NFATC1: variants seen among roughly 807,000 people sequenced by gnomAD.
NFATC1 encodes the protein nuclear factor of activated T cells 1, also known as nuclear factor of activated T-cells, cytoplasmic 1.
NFATC1 carries 22 observed loss-of-function variants against 76.0 expected under a neutral mutation model. The ratio of observed to expected loss-of-function variants is 0.29; its 90% CI spans 0.21 to 0.41. NFATC1 has a LOEUF of 0.41. Ranked by LOEUF, NFATC1 falls within the 10% of genes least tolerant of loss-of-function variation. NFATC1 has a pLI of 1.00. For missense variants in NFATC1, 1,357 were observed against 1,337.7 expected (o/e 1.01, Z -0.23); for synonymous variants, 704 against 613.1 (o/e 1.15, Z -2.19).
rs1473971517 is a variant in NFATC1 at position 79,428,054 on chromosome 18, T to C, written c.1227-5525T>C. Among the ~76,000 whole-genome samples the C allele has an allele frequency of 8.4e-5, 10 of 119,686 alleles. No homozygotes were observed. The East Asian group carries it at 2.9e-3, about 35-fold the overall frequency. The allele number at this position is 119,686 out of a possible 152,430, so 78.5% of individuals were successfully genotyped here. The stretch of plus-strand genomic sequence containing the variant: ...GCAGTGGGGGCAGGCGCTGGATGAC[T>C]GGCCTCTATGCAGTGGGTCGGGGGG... On this transcript the variant is annotated intron_variant, in intron 2 of 9. Coordinates refer to ENST00000427363, the MANE Select transcript of NFATC1 (RefSeq NM_001278669.2).
At chr18:79,525,638 C>T (rs2090741494) in intron 9 of NFATC1, among the ~76,000 whole-genome samples, 2 of 152,206 alleles carry the variant, frequency 1.3e-5, no homozygotes, top group Admixed American at 6.5e-5. Context: ...CCACCTTTCC[C>T]CTGTGTTGAT....
At chr18:79,413,520 G>T (rs1169096770) in intron 2 of NFATC1, among the ~76,000 whole-genome samples, 1 of 152,188 alleles carries the variant, frequency 6.6e-6, no homozygotes, top group Non-Finnish European at 1.5e-5. Context: ...GAGGACACTG[G>T]TCCTGCTGGG....
rs28707048 is a variant in NFATC1 at position 79,465,888 on chromosome 18, C to T, written c.1960-1562C>T. On this transcript the variant is annotated intron_variant, in intron 7 of 9. Transcript: ENST00000427363. This position sits in a 1 kb window ranked among gnomAD's most constrained non-coding sequence, Gnocchi z 4.2. ...CAGTGCTCTGGGGGCAGCCCAGGCC[C>T]CGCCCACTGACAGCACTCATGGCCC... Among the ~76,000 whole-genome samples, 9,700 of 152,338 alleles carry T rather than the reference C, an allele frequency of 0.064. 1,027 individuals are homozygous for T. The highest frequency in any genetic ancestry group is 0.22 in the African/African-American group (9,103 of 41,562).
intron 8 of NFATC1, among the ~76,000 whole-genome samples, chr18:79,474,043 C>T (rs1350578239): frequency 4.3e-5 from 6 of 139,830 alleles, no homozygotes; most frequent in East Asian, 2.3e-4. Context: ...CGTGTTCTCA[C>T]GCTCGCTGTC....
At chr18:79,436,008 AAAG>A (rs1253961909) in intron 3 of NFATC1, among the ~76,000 whole-genome samples, 1 of 152,200 alleles carries the variant, frequency 6.6e-6, no homozygotes, top group Non-Finnish European at 1.5e-5. Context: ...AAGCAGCTAA[AAAG>A]AGGGGGTTTT....
intron 9 of NFATC1, chr18:79,496,996 C>G (rs2089905823): frequency 6.6e-6 from 1 of 152,252 alleles, no homozygotes; most frequent in Admixed American, 6.5e-5. Flanking sequence ...GGTCCCAGCT[C>G]TACCGTTGAG....
rs115403956 is a variant in NFATC1 at position 79,402,393 on chromosome 18, A to C, written c.127+6042A>C. ...CGCCTTCCAGGTGGGTTCAGGACAC[A>C]GTCCTCCCCGGCACCCACCGGGCTC... On this transcript the variant is annotated intron_variant, in intron 1 of 9. Coordinates refer to ENST00000427363, the MANE Select transcript of NFATC1 (RefSeq NM_001278669.2). The C allele has an allele frequency of 3.0e-6, 3 of 985,006 alleles. No homozygotes were observed. The African/African-American group carries it at 5.3e-5, about 17-fold the overall frequency. 61.0% of individuals were successfully genotyped at this position (985,006 alleles called of 1,614,324 possible). A position where few individuals can be genotyped will look rare whatever the true frequency, so the allele number is the denominator to read the frequency against.
At chr18:79,508,058 T>G (rs571240398) in intron 9 of NFATC1, among the ~76,000 whole-genome samples, 1 of 152,374 alleles carries the variant, frequency 6.6e-6, no homozygotes, top group South Asian at 2.1e-4. Flanking sequence ...TAAAACAAAT[T>G]AAACTCTTGT....
chr18:79,442,754 A>C (rs759540730), intron 3 of NFATC1, among the ~76,000 whole-genome samples: 1 of 152,158 alleles, frequency 6.6e-6, no homozygotes, highest in Non-Finnish European at 1.5e-5. Flanking sequence ...CCTGCAGGTC[A>C]TCTGGTTGGT....
intron 2 of NFATC1, among the ~76,000 whole-genome samples, chr18:79,426,749 T>A (rs2086350300): frequency 6.6e-6 from 1 of 152,246 alleles, no homozygotes; most frequent in Non-Finnish European, 1.5e-5. Context: ...GAAGCATTTT[T>A]AAACTTGATT....
At position 79,433,687 on chromosome 18, in the gene NFATC1, G is replaced by A. The variant is rs773530535; in HGVS notation, c.1335G>A (p.Glu445=). The A allele has an allele frequency of 1.2e-6, 2 of 1,611,530 alleles. No individual in the cohort carries two copies. Among genetic ancestry groups the A allele is most frequent in the Non-Finnish European group, 1.7e-6 (2 of 1,178,432 alleles). ...KSHHRAHYET[E]GSRGAVKASA... The stretch of plus-strand genomic sequence containing the variant: ...ACCACCGAGCCCACTACGAGACGGA[G>A]GGCAGCCGGGGGGCCGTGAAGGCGT... The change falls in exon 3 of 10, where the codon GAG becomes GAA. Residue 445 remains glutamate, a synonymous_variant. Coordinates refer to ENST00000427363, the MANE Select transcript of NFATC1 (RefSeq NM_001278669.2).
intron 2 of NFATC1, among the ~76,000 whole-genome samples, chr18:79,413,273 A>T (rs2085761393): frequency 6.6e-6 from 1 of 152,128 alleles, no homozygotes; most frequent in Non-Finnish European, 1.5e-5. Context: ...GGTGAACCCC[A>T]CGTATTTGTT....
At chr18:79,482,496 T>C in intron 8 of NFATC1, among the ~76,000 whole-genome samples, 1 of 134,844 alleles carries the variant, frequency 7.4e-6, no homozygotes, top group African/African-American at 2.9e-5. Flanking sequence ...ATGAGCTGTT[T>C]CCTGGGGTGT....
intron 3 of NFATC1, among the ~76,000 whole-genome samples, chr18:79,445,626 G>A (rs951573459): frequency 6.6e-6 from 1 of 152,228 alleles, no homozygotes; most frequent in South Asian, 2.1e-4. Flanking sequence ...TTGTGAGCCG[G>A]ATTTTCTGTC....
At chr18:79,404,810 C>T (rs965284400) in intron 1 of NFATC1, among the ~76,000 whole-genome samples, 1 of 152,154 alleles carries the variant, frequency 6.6e-6, no homozygotes, top group Non-Finnish European at 1.5e-5. Flanking sequence ...AACTGCGTGT[C>T]GTGAGGGGCA....
intron 3 of NFATC1, among the ~76,000 whole-genome samples, chr18:79,434,299 G>A (rs2086697194): frequency 6.6e-6 from 1 of 152,238 alleles, no homozygotes; most frequent in African/African-American, 2.4e-5. Flanking sequence ...CTGCTGGGGT[G>A]GGCCTGACTC....
chr18:79,413,101 T>C (rs1378305695), intron 2 of NFATC1, among the ~76,000 whole-genome samples: 1 of 152,208 alleles, frequency 6.6e-6, no homozygotes, highest in Non-Finnish European at 1.5e-5. Context: ...CCCACAGTCA[T>C]GTACAACGCG....
At chr18:79,397,606 T>C (rs2085050311) in intron 1 of NFATC1, among the ~76,000 whole-genome samples, 1 of 152,254 alleles carries the variant, frequency 6.6e-6, no homozygotes, top group Admixed American at 6.5e-5. Flanking sequence ...GTCAGTGTTT[T>C]ACACAATGTG....
At chr18:79,427,536 T>TC (rs1382548838) in intron 2 of NFATC1, among the ~76,000 whole-genome samples, 4 of 5,944 alleles carry the variant, frequency 6.7e-4, no homozygotes. Flanking sequence ...GTGCAGTGGG[T>TC]GGGGGGAGCT....
Sources: allele counts gnomAD v4.1 joint callset (sites outside exome capture counted in the v4.1 genomes callset), GRCh38; gene constraint gnomAD v4.1.1; non-coding constraint Gnocchi (gnomAD v3.1); transcripts MANE v1.5; gene names NCBI Gene and HGNC (gene_info 2026-07-23, HGNC 2026-07-21).